The following ARMC8 variants were observed in gnomAD, a reference collection of about 807,000 sequenced individuals.
ARMC8 encodes armadillo repeat-containing protein 8.
ARMC8 carries 20 observed loss-of-function variants against 99.3 expected under a neutral mutation model. That is an observed-to-expected ratio of 0.20 (90% CI 0.14 to 0.29). The LOEUF is 0.29. Ranked by LOEUF, ARMC8 falls within the 10% of genes least tolerant of loss-of-function variation. ARMC8 has a pLI of 1.00. For synonymous variants in ARMC8, 263 were observed against 278.3 expected (o/e 0.95, Z 0.55); for missense variants, 569 against 809.5 (o/e 0.70, Z 3.60).
chr3:138,205,060 CTTTTTTTTT>C (rs71146118), intron 1 of ARMC8, among the ~76,000 whole-genome samples: 3 of 93,282 alleles, frequency 3.2e-5, no homozygotes, highest in South Asian at 3.5e-4. Flanking sequence ...CTTTTCTTTT[CTTTTTTTTT>C]TTTTTTTTTT....
At chr3:138,270,818 C>CT (rs2048721847) in intron 16 of ARMC8, among the ~76,000 whole-genome samples, 1 of 151,946 alleles carries the variant, frequency 6.6e-6, no homozygotes, top group Non-Finnish European at 1.5e-5. Context: ...ACCATTTCTC[C>CT]TTAAGATTAT....
chr3:138,204,556 C>T (rs2044256425), intron 1 of ARMC8, among the ~76,000 whole-genome samples: 1 of 152,154 alleles, frequency 6.6e-6, no homozygotes, highest in Admixed American at 6.5e-5. Context: ...TTCCCATTCT[C>T]TCTTAAACTC....
intron 12 of ARMC8, among the ~76,000 whole-genome samples, chr3:138,249,396 A>G (rs547243705): frequency 6.6e-6 from 1 of 151,846 alleles, no homozygotes; most frequent in African/African-American, 2.4e-5. Flanking sequence ...TTGCTTGGCT[A>G]TCAATCAAAG....
At chr3:138,268,669 G>T (rs184942345) in intron 15 of ARMC8, among the ~76,000 whole-genome samples, 3 of 152,004 alleles carry the variant, frequency 2.0e-5, no homozygotes, top group African/African-American at 7.2e-5. Context: ...CTAGCTACTC[G>T]AGAGGCCGAG....
intron 12 of ARMC8, among the ~76,000 whole-genome samples, chr3:138,253,316 T>G (rs984964082): frequency 6.6e-6 from 1 of 152,194 alleles, no homozygotes; most frequent in East Asian, 1.9e-4. Flanking sequence ...ATTAGCACAT[T>G]CTCTCCCTTA....
At chr3:138,201,442 T>A (rs1360114866) in intron 1 of ARMC8, among the ~76,000 whole-genome samples, 3 of 13,376 alleles carry the variant, frequency 2.2e-4, no homozygotes. Flanking sequence ...CTCCCTTTTT[T>A]TTTTTTTTTT....
chr3:138,207,862 TGTGTTA>T (rs2044463436), intron 1 of ARMC8, among the ~76,000 whole-genome samples: 1 of 152,202 alleles, frequency 6.6e-6, no homozygotes, highest in South Asian at 2.1e-4. Flanking sequence ...GAGGAAAACA[TGTGTTA>T]GCAGGTGCTT....
At chr3:138,242,016 G>C in intron 11 of ARMC8, 33 bp downstream of exon 11, 1 of 1,585,924 alleles carries the variant, frequency 6.3e-7, no homozygotes, top group Non-Finnish European at 8.6e-7. Flanking sequence ...CAGCTCAAGG[G>C]AGATTTTTCT....
chr3:138,298,216 T>C lies in ARMC8; in HGVS notation c.*2324T>C, dbSNP rs2051653675. On this transcript the variant is annotated 3_prime_UTR_variant, in exon 22 of 22. Transcript: ENST00000469044. Reference sequence around the variant, plus strand: ...GCATTCTGTTTCTCCTTTTGTGCCCTGATTGTAATCCAAAATTTATGAACT... The same window carrying C: ...GCATTCTGTTTCTCCTTTTGTGCCCCGATTGTAATCCAAAATTTATGAACT... The C allele has an allele frequency of 6.6e-6, 1 of 152,252 alleles. No homozygotes were observed. Among genetic ancestry groups the C allele is most frequent in the Non-Finnish European group, 1.5e-5 (1 of 68,040 alleles). The allele number at this position is 152,252 out of a possible 1,614,324, so 9.4% of individuals were successfully genotyped here. A position where few individuals can be genotyped will look rare whatever the true frequency, so the allele number is the denominator to read the frequency against.
At chr3:138,248,685 C>T (rs1007116634) in intron 12 of ARMC8, among the ~76,000 whole-genome samples, 7 of 152,114 alleles carry the variant, frequency 4.6e-5, no homozygotes, top group South Asian at 2.1e-4. Flanking sequence ...TAGGACCTGT[C>T]GATCACCAGT....
At chr3:138,236,038 C>T (rs550273525) in intron 7 of ARMC8, among the ~76,000 whole-genome samples, 31 of 152,196 alleles carry the variant, frequency 2.0e-4, no homozygotes, top group Non-Finnish European at 3.5e-4. Flanking sequence ...GATCTCCTGA[C>T]CTTGTGATCC....
At chr3:138,260,165 C>T (rs7612622) in intron 12 of ARMC8, among the ~76,000 whole-genome samples, 89,939 of 151,990 alleles carry the variant, frequency 0.59, 27,347 homozygotes, top group East Asian at 0.81. Context: ...GTAGGAATTG[C>T]GCTGTTTGCT....
intron 1 of ARMC8, among the ~76,000 whole-genome samples, chr3:138,203,260 A>C (rs576015369): frequency 6.6e-6 from 1 of 152,248 alleles, no homozygotes; most frequent in Non-Finnish European, 1.5e-5. Flanking sequence ...GATAAATTCA[A>C]AGGCCTATAA....
At chr3:138,268,943 T>A (rs1199049718) in intron 15 of ARMC8, among the ~76,000 whole-genome samples, 1 of 152,206 alleles carries the variant, frequency 6.6e-6, no homozygotes, top group Non-Finnish European at 1.5e-5. Context: ...GTAACTGTAC[T>A]ATGGTTATCT....
At chr3:138,233,728 G>C (rs1255420252) in intron 6 of ARMC8, among the ~76,000 whole-genome samples, 1 of 152,202 alleles carries the variant, frequency 6.6e-6, no homozygotes, top group Non-Finnish European at 1.5e-5. Context: ...CTTCATGACA[G>C]TTGTTACTTG....
chr3:138,187,955 G>T (rs2043163276), intron 1 of ARMC8: 1 of 334,172 alleles, frequency 3.0e-6, no homozygotes, highest in East Asian at 5.6e-5. Flanking sequence ...GGGGCCGAAC[G>T]CTCTGCCTTG....
chr3:138,222,114 C>A, intron 3 of ARMC8, 117 bp downstream of exon 3: 2 of 707,716 alleles, frequency 2.8e-6, no homozygotes, highest in South Asian at 2.2e-5. Context: ...AAAATAAATC[C>A]TATTTTTAAA....
At chr3:138,292,069 C>G (rs1438866419) in intron 21 of ARMC8, among the ~76,000 whole-genome samples, 1 of 151,862 alleles carries the variant, frequency 6.6e-6, no homozygotes, top group Non-Finnish European at 1.5e-5. Context: ...TGGAGTTTCA[C>G]TCTTGTTGCC....
intron 18 of ARMC8, among the ~76,000 whole-genome samples, chr3:138,282,106 C>G (rs2049986253): frequency 6.6e-6 from 1 of 152,212 alleles, no homozygotes; most frequent in Non-Finnish European, 1.5e-5. Context: ...TGGCCTCACC[C>G]TCTGCATTTT....
Sources: allele counts gnomAD v4.1 joint callset (sites outside exome capture counted in the v4.1 genomes callset), GRCh38; gene constraint gnomAD v4.1.1; transcripts MANE v1.5; gene names NCBI Gene and HGNC (gene_info 2026-07-23, HGNC 2026-07-21).